The following CDIPT variants were observed in gnomAD, a reference collection of about 807,000 sequenced individuals.
The protein encoded by CDIPT is PI synthase.
CDIPT carries 17 observed loss-of-function variants against 21.6 expected under a neutral mutation model. The ratio of observed to expected loss-of-function variants is 0.79; its 90% CI spans 0.54 to 1.18. The LOEUF is 1.18. Among genes scored for constraint, CDIPT ranks in the 50% most tolerant of loss-of-function variants. CDIPT has a pLI of 0.00. For synonymous variants in CDIPT, 119 were observed against 117.9 expected (o/e 1.01, Z -0.06); for missense variants, 254 against 284.9 (o/e 0.89, Z 0.78).
rs766385869 is a variant in CDIPT at position 29,861,209 on chromosome 16, T to C, written c.229A>G (p.Met77Val). ...LDMLTDRCSTMCLLVNLALLY... is the reference protein window; with the variant it reads ...LDMLTDRCSTVCLLVNLALLY... ...AGGGCCAGGTTGACCAACAGGCACA[T>C]GGTGGAGCAGCGGTCCGTCAGCATG... is the stretch of plus-strand genomic sequence containing the variant. The change falls in exon 3 of 6, where the codon ATG becomes GTG. Residue 77 changes from methionine (M) to valine (V), a missense_variant. Physicochemically the swap from Met to Val is conservative, Grantham distance 21. Coordinates refer to ENST00000219789, the MANE Select transcript of CDIPT (RefSeq NM_006319.5). 156 of 1,613,990 alleles carry C rather than the reference T, an allele frequency of 9.7e-5. No homozygotes were observed. Among genetic ancestry groups the C allele is most frequent in the South Asian group, 7.9e-4 (72 of 91,080 alleles).
Position 29,859,480 on chromosome 16 carries a change from C to T in CDIPT, c.458G>A (p.Cys153Tyr). ...TLCAGNELFYCLLYLFHFSEG... is the reference protein window; with the variant it reads ...TLCAGNELFYYLLYLFHFSEG... ...AGAGAAATGGAACAGGTAGAGGAGGCAGTAGAAGAGCTCATTCCCAGCACA... is the reference window on the plus strand; with the variant it reads ...AGAGAAATGGAACAGGTAGAGGAGGTAGTAGAAGAGCTCATTCCCAGCACA... The change falls in exon 5 of 6, where the codon TGC (cysteine) becomes TAC (tyrosine). Residue 153 changes from cysteine (C) to tyrosine (Y), a missense_variant. Cys to Tyr is a radical substitution (Grantham distance 194). Coordinates refer to ENST00000219789, the MANE Select transcript of CDIPT (RefSeq NM_006319.5). The surrounding 1 kb of genome is among the most constrained non-coding windows in gnomAD (Gnocchi z 4.5). 1 of 1,613,416 alleles carries T rather than the reference C, an allele frequency of 6.2e-7. No homozygotes were observed. The highest frequency in any genetic ancestry group is 8.5e-7 in the Non-Finnish European group (1 of 1,179,546).
intron 4 of CDIPT, among the ~76,000 whole-genome samples, chr16:29,860,044 C>G (rs138682692): frequency 2.6e-5 from 4 of 152,176 alleles, no homozygotes; most frequent in African/African-American, 9.6e-5. Context: ...CTTGGTCTCA[C>G]GCAATCCTTC....
Position 29,862,454 on chromosome 16 carries a change from C to A in CDIPT, c.178+132G>T. 1.1e-6 allele frequency: 1 copy of A among 941,008 alleles called. No homozygotes were observed. Among genetic ancestry groups the A allele is most frequent in the Non-Finnish European group, 1.6e-6 (1 of 630,490 alleles). The allele number at this position is 941,008 out of a possible 1,614,324, so 58.3% of individuals were successfully genotyped here. On this transcript the variant is annotated intron_variant, in intron 2 of 5. Coordinates refer to ENST00000219789, the MANE Select transcript of CDIPT (RefSeq NM_006319.5). This position sits in a 1 kb window ranked among gnomAD's most constrained non-coding sequence, Gnocchi z 6.7. ...AAAAAACAAAACACAAAACAAAAAGCCCCAGGCCATCCTGTTCTGCTTTTT... is the reference window on the plus strand; with the variant it reads ...AAAAAACAAAACACAAAACAAAAAGACCCAGGCCATCCTGTTCTGCTTTTT...
At position 29,859,171 on chromosome 16, in the gene CDIPT, G is replaced by C. The variant is rs768642931; in HGVS notation, c.*18C>G. 1 of 1,587,820 alleles carries C rather than the reference G, an allele frequency of 6.3e-7. No individual in the cohort carries two copies. Among genetic ancestry groups the C allele is most frequent in the Non-Finnish European group, 8.5e-7 (1 of 1,169,744 alleles). ...GACTCCCAGGGCAGGTGGGCAGCCA[G>C]GACCCGGGGCTCCAGCGTCACTTCT... On this transcript the variant is annotated 3_prime_UTR_variant, in exon 6 of 6. Coordinates refer to ENST00000219789, the MANE Select transcript of CDIPT (RefSeq NM_006319.5). The surrounding 1 kb of genome is among the most constrained non-coding windows in gnomAD (Gnocchi z 4.5).
Position 29,859,467 on chromosome 16 carries a change from C to G in CDIPT, c.471G>C (p.Leu157=), listed in dbSNP as rs755476596. The G allele has an allele frequency of 6.2e-7, 1 of 1,613,366 alleles. No homozygotes were observed. Among genetic ancestry groups the G allele is most frequent in the Non-Finnish European group, 8.5e-7 (1 of 1,179,508 alleles). ...CTAAAGGTCCCTCAGAGAAATGGAA[C>G]AGGTAGAGGAGGCAGTAGAAGAGCT... ...GNELFYCLLY[L]FHFSEGPLVG... The change falls in exon 5 of 6, where the codon CTG becomes CTC. Residue 157 remains leucine, a synonymous_variant. Coordinates refer to ENST00000219789, the MANE Select transcript of CDIPT (RefSeq NM_006319.5). The surrounding 1 kb of genome is among the most constrained non-coding windows in gnomAD (Gnocchi z 4.5).
chr16:29,860,711 G>A, intron 3 of CDIPT, 49 bp from the exon 4 acceptor site: 1 of 1,048,692 alleles, frequency 9.5e-7, no homozygotes, highest in Non-Finnish European at 1.5e-6. Flanking sequence ...CCACTACCAT[G>A]CATCCAATCC....
At chr16:29,860,869 C>T (rs2067674841) in intron 3 of CDIPT, 3 of 617,754 alleles carry the variant, frequency 4.9e-6, no homozygotes, top group Non-Finnish European at 8.6e-6. Flanking sequence ...TAAGCTGTCA[C>T]CTATATGGAA....
chr16:29,862,486 A>G lies in CDIPT; in HGVS notation c.178+100T>C. Reference sequence around the variant, plus strand: ...CCATCCTGTTCTGCTTTTTCCAGAGATGGGAATGACAGCCCTCTGACTCTG... The same window carrying G: ...CCATCCTGTTCTGCTTTTTCCAGAGGTGGGAATGACAGCCCTCTGACTCTG... On this transcript the variant is annotated intron_variant, in intron 2 of 5. Transcript: ENST00000219789. The surrounding 1 kb of genome is among the most constrained non-coding windows in gnomAD (Gnocchi z 6.7). 8.0e-7 allele frequency: 1 copy of G among 1,253,184 alleles called. No individual in the cohort carries two copies. The highest frequency in any genetic ancestry group is 1.5e-5 in the African/African-American group (1 of 66,132). 77.6% of individuals were successfully genotyped at this position (1,253,184 alleles called of 1,614,324 possible). A position where few individuals can be genotyped will look rare whatever the true frequency, so the allele number is the denominator to read the frequency against.
Position 29,859,206 on chromosome 16 carries a change from G to T in CDIPT, c.625C>A (p.Arg209Ser). Residue 209 changes from arginine to serine, a missense_variant, in exon 6 of 6, where the codon CGC (arginine) becomes AGC (serine). By Grantham distance (110) the Arg-to-Ser change is moderately radical. Coordinates refer to ENST00000219789, the MANE Select transcript of CDIPT (RefSeq NM_006319.5). This position sits in a 1 kb window ranked among gnomAD's most constrained non-coding sequence, Gnocchi z 4.5. ...RNMAALDAAD[R>S]AKKK ...CTCCAGCGTCACTTCTTCTTGGCGC[G>T]GTCTGCTGCGTCCAGGGCAGCCATG... 1 of 1,596,788 alleles carries T rather than the reference G, an allele frequency of 6.3e-7. No homozygotes were observed. The highest frequency in any genetic ancestry group is 8.5e-7 in the Non-Finnish European group (1 of 1,172,894).
In CDIPT at chr16:29,859,237, G is replaced by A. The variant is rs768718112; in HGVS notation, c.594C>T (p.Ala198=). The A allele has an allele frequency of 6.3e-7, 1 of 1,596,026 alleles. No homozygotes were observed. The highest frequency in any genetic ancestry group is 8.5e-7 in the Non-Finnish European group (1 of 1,172,116). The change falls in exon 6 of 6, where the codon GCC becomes GCT. Residue 198 remains alanine (A), a synonymous_variant. Coordinates refer to ENST00000219789, the MANE Select transcript of CDIPT (RefSeq NM_006319.5). This position sits in a 1 kb window ranked among gnomAD's most constrained non-coding sequence, Gnocchi z 4.5. ...LISVIHLITA[A]RNMAALDAAD... is the part of the protein sequence containing the mutation. The stretch of plus-strand genomic sequence containing the variant: ...CTGCGTCCAGGGCAGCCATGTTGCG[G>A]GCGGCCGTGATCAGGTGGATGACGC...
rs1181980218 is a variant in CDIPT at position 29,863,086 on chromosome 16, G to T, written c.-229C>A. 3.5e-6 allele frequency: 2 copies of T among 565,706 alleles called. No individual in the cohort carries two copies. The highest frequency in any genetic ancestry group is 3.6e-5 in the East Asian group (1 of 28,026). 35.0% of individuals were successfully genotyped at this position (565,706 alleles called of 1,614,324 possible). On this transcript the variant is annotated 5_prime_UTR_variant, in exon 1 of 6. Transcript: ENST00000219789. ...CGCGCGCAGTCCGCCCTTCCTACCC[G>T]CAACCTCCCTCGCCTCTGCCAGCCC...
At position 29,859,571 on chromosome 16, in the gene CDIPT, C is replaced by T. The variant is rs756701946; in HGVS notation, c.415-48G>A. ...ACGTTAGCAAGAGGCAGGCGTGTGC[C>T]ACCCCCTGCCCCCCCAGCACTAATG... On this transcript the variant is annotated intron_variant, in intron 4 of 5. Transcript: ENST00000219789. The surrounding 1 kb of genome is among the most constrained non-coding windows in gnomAD (Gnocchi z 4.5). The T allele has an allele frequency of 2.4e-6, 3 of 1,249,324 alleles. No homozygotes were observed. The East Asian group carries it at 7.0e-5, about 29-fold the overall frequency. The allele number at this position is 1,249,324 out of a possible 1,614,324, so 77.4% of individuals were successfully genotyped here. A position where few individuals can be genotyped will look rare whatever the true frequency, so the allele number is the denominator to read the frequency against.
At position 29,859,892 on chromosome 16, in the gene CDIPT, C is replaced by A. The variant is rs2067665907; in HGVS notation, c.415-369G>T. On this transcript the variant is annotated intron_variant, in intron 4 of 5. Transcript: ENST00000219789. The surrounding 1 kb of genome is among the most constrained non-coding windows in gnomAD (Gnocchi z 4.5). Reference sequence around the variant, plus strand: ...TGGTGGCACGTGCCGGTAGTCCCAGCCACTCAGGAGGCTGAGGCACAAGAA... The same window carrying A: ...TGGTGGCACGTGCCGGTAGTCCCAGACACTCAGGAGGCTGAGGCACAAGAA... Among the ~76,000 whole-genome samples the A allele has an allele frequency of 6.6e-6, 1 of 152,044 alleles. No individual in the cohort carries two copies. Among genetic ancestry groups the A allele is most frequent in the South Asian group, 2.1e-4 (1 of 4,832 alleles).
rs370652101 is a variant in CDIPT, at chr16:29,862,792, C to G, written c.43+23G>C. ...AAGGCCCCTCGCCCTCTCGTTCGGC[C>G]CGGGGCCGTGGGCAGCACTCACCGA... On this transcript the variant is annotated intron_variant, in intron 1 of 5. Transcript: ENST00000219789. This position sits in a 1 kb window ranked among gnomAD's most constrained non-coding sequence, Gnocchi z 6.7. 2.5e-6 allele frequency: 4 copies of G among 1,613,960 alleles called. No individual in the cohort carries two copies. The highest frequency in any genetic ancestry group is 3.4e-6 in the Non-Finnish European group (4 of 1,179,956).
chr16:29,862,198 G>A lies in CDIPT; in HGVS notation c.178+388C>T, dbSNP rs1470655124. 6.6e-6 allele frequency among the ~76,000 whole-genome samples: 1 copy of A among 152,224 alleles called. No homozygotes were observed. The highest frequency in any genetic ancestry group is 2.4e-5 in the African/African-American group (1 of 41,452). On this transcript the variant is annotated intron_variant, in intron 2 of 5. Coordinates refer to ENST00000219789, the MANE Select transcript of CDIPT (RefSeq NM_006319.5). This position sits in a 1 kb window ranked among gnomAD's most constrained non-coding sequence, Gnocchi z 6.7. ...GCGGCACTTTGGGAGCAAGGCAGGA[G>A]GATCGCTTGAGGCTAGGAGCTGGGG...
At chr16:29,860,208 C>T (rs1159340368) in intron 4 of CDIPT, among the ~76,000 whole-genome samples, 2 of 152,132 alleles carry the variant, frequency 1.3e-5, no homozygotes, top group African/African-American at 4.8e-5. Flanking sequence ...ACCTCAGCCT[C>T]CCAAAGCGCT....
In CDIPT at chr16:29,862,910, C is replaced by T. The variant is rs1174852461; in HGVS notation, c.-53G>A. The stretch of plus-strand genomic sequence containing the variant: ...CTGCTCTGGAGATGCCAGTGCTGTC[C>T]CAGCCCCGCAGCGCGGCCTCAGCCT... On this transcript the variant is annotated 5_prime_UTR_variant, in exon 1 of 6. Coordinates refer to ENST00000219789, the MANE Select transcript of CDIPT (RefSeq NM_006319.5). This position sits in a 1 kb window ranked among gnomAD's most constrained non-coding sequence, Gnocchi z 6.7. The T allele has an allele frequency of 1.2e-6, 2 of 1,604,062 alleles. No individual in the cohort carries two copies. Among genetic ancestry groups the T allele is most frequent in the Non-Finnish European group, 1.7e-6 (2 of 1,172,630 alleles).
rs1394476901 is a variant in CDIPT, at chr16:29,859,518, A to T, written c.420T>A (p.Ala140=). The T allele has an allele frequency of 6.2e-7, 1 of 1,612,404 alleles. No individual in the cohort carries two copies. Among genetic ancestry groups the T allele is most frequent in the Admixed American group, 1.7e-5 (1 of 59,880 alleles). The stretch of plus-strand genomic sequence containing the variant: ...CATTCCCAGCACACAAGGTGAACAG[A>T]GCAGGCTGCACACACAGCAAACAGG... ...VLRIYYTSRP[A]LFTLCAGNEL... The change falls in exon 5 of 6, where the codon GCT becomes GCA. Residue 140 remains alanine, a synonymous_variant. Transcript: ENST00000219789. This position sits in a 1 kb window ranked among gnomAD's most constrained non-coding sequence, Gnocchi z 4.5.
Position 29,862,672 on chromosome 16 carries a change from C to G in CDIPT, c.92G>C (p.Cys31Ser). Residue 31 changes from cysteine to serine, a missense_variant, in exon 2 of 6, where the codon TGC becomes TCC. Transcript: ENST00000219789. The surrounding 1 kb of genome is among the most constrained non-coding windows in gnomAD (Gnocchi z 6.7). ...GAAGGAGGAGGCCGTGAGGGGGCAG[C>G]AGGGCATGAAGTAGAAAGAAATGAT... ...FAIISFYFMP[C>S]CPLTASSFYL... The G allele has an allele frequency of 6.2e-7, 1 of 1,613,898 alleles. No homozygotes were observed. Among genetic ancestry groups the G allele is most frequent in the Non-Finnish European group, 8.5e-7 (1 of 1,179,864 alleles).
Sources: gnomAD v4.1 joint callset for allele counts (sites outside exome capture counted in the v4.1 genomes callset) on GRCh38, gnomAD v4.1.1 for gene constraint, Gnocchi (gnomAD v3.1) non-coding constraint, MANE v1.5 for transcripts, NCBI Gene and HGNC (gene_info 2026-07-23, HGNC 2026-07-21) for gene names.